The following PNPLA2 variants were observed in gnomAD, a reference collection of about 807,000 sequenced individuals.
PNPLA2 encodes patatin-like phospholipase domain-containing protein 2.
PNPLA2 carries 28 observed loss-of-function variants against 39.7 expected under a neutral mutation model. That is an observed-to-expected ratio of 0.70 (90% CI 0.52 to 0.97). The LOEUF is 0.97. Ranked by LOEUF, PNPLA2 falls within the 50% of genes least tolerant of loss-of-function variation. The probability of loss-of-function intolerance (pLI) is 0.00; values close to 1 mark genes in which losing one functional copy is unlikely to be tolerated. For missense variants in PNPLA2, 768 were observed against 698.2 expected (o/e 1.10, Z -1.13); for synonymous variants, 392 against 321.1 (o/e 1.22, Z -2.36).
At chr11:823,964 C>G (rs954166921) in intron 7 of PNPLA2, 34 bp from the exon 8 acceptor site, 16 of 1,571,622 alleles carry the variant, frequency 1.0e-5, no homozygotes, top group African/African-American at 1.3e-5. Flanking sequence ...GCCCCGCTGC[C>G]TCCACTGGCC....
At chr11:822,112 C>T in intron 4 of PNPLA2, 89 bp downstream of exon 4, 2 of 1,213,638 alleles carry the variant, frequency 1.6e-6, no homozygotes, top group Non-Finnish European at 2.4e-6. Flanking sequence ...ATCCTTCAGG[C>T]CCTTGCTCTG....
intron 2 of PNPLA2, 143 bp downstream of exon 2, chr11:820,048 CGAG>C: frequency 7.0e-6 from 4 of 571,528 alleles, no homozygotes; most frequent in Non-Finnish European, 1.1e-5. Flanking sequence ...GGGAACCCGG[CGAG>C]GATCCAATCC....
rs1229630822 is a variant in PNPLA2, at chr11:824,716, G to A, written c.1369G>A (p.Glu457Lys). Residue 457 changes from glutamate to lysine, a missense_variant, in exon 10 of 10, where the codon GAA (glutamate) becomes AAA (lysine). Transcript: ENST00000336615. ...CTGCACCAACGTGGCCTTCCCGCCC[G>A]AAGCTCTGCGCATGCGCGCACCCGC... is the stretch of plus-strand genomic sequence containing the variant. ...LFCTNVAFPPEALRMRAPADP... is the reference protein window; with the variant it reads ...LFCTNVAFPPKALRMRAPADP... The A allele has an allele frequency of 6.3e-7, 1 of 1,587,614 alleles. No individual in the cohort carries two copies. Among genetic ancestry groups the A allele is most frequent in the Non-Finnish European group, 8.5e-7 (1 of 1,174,510 alleles).
Position 824,746 on chromosome 11 carries a change from C to T in PNPLA2, c.1399C>T (p.Pro467Ser), listed in dbSNP as rs973786696. Residue 467 changes from proline to serine, a missense_variant, in exon 10 of 10, where the codon CCG becomes TCG. Pro to Ser is a moderately conservative substitution (Grantham distance 74, BLOSUM62 -1). Transcript: ENST00000336615. ...TCTGCGCATGCGCGCACCCGCCGAC[C>T]CGGCTCCCGCCCCCGCGGACCCAGC... is the stretch of plus-strand genomic sequence containing the variant. The part of the protein sequence containing the change: ...EALRMRAPAD[P>S]APAPADPASP... The T allele has an allele frequency of 2.9e-5, 45 of 1,572,590 alleles. No homozygotes were observed. The highest frequency in any genetic ancestry group is 3.7e-5 in the Non-Finnish European group (43 of 1,167,038).
At chr11:822,671 C>T (rs2133848238) in intron 5 of PNPLA2, 65 bp downstream of exon 5, 2 of 1,355,396 alleles carry the variant, frequency 1.5e-6, no homozygotes, top group South Asian at 2.3e-5. Flanking sequence ...AGGGAGAACA[C>T]TGATCCTTTG....
chr11:819,931 G>T (rs1845612350), intron 2 of PNPLA2, 26 bp downstream of exon 2: 3 of 1,325,540 alleles, frequency 2.3e-6, no homozygotes, highest in Non-Finnish European at 1.9e-6. Flanking sequence ...GGCGGCAGGC[G>T]GGGGGCTGGC....
intron 4 of PNPLA2, 41 bp downstream of exon 4, chr11:822,064 CGTGGGAT>C (rs768582135): frequency 6.3e-7 from 1 of 1,584,038 alleles, no homozygotes; most frequent in African/African-American, 1.3e-5. Context: ...TGGGGTGGGC[CGTGGGAT>C]GAGGGACAGA....
chr11:823,659 G>C (rs775520429), intron 6 of PNPLA2, 35 bp from the exon 7 acceptor site: 1 of 1,603,516 alleles, frequency 6.2e-7, no homozygotes, highest in East Asian at 2.3e-5. Context: ...CGGCCGCGCT[G>C]ATGAACTGAG....
rs1296581944 is a variant in PNPLA2, at chr11:825,088, C to G, written c.*226C>G. 1.7e-5 allele frequency: 10 copies of G among 584,186 alleles called. No individual in the cohort carries two copies. Among genetic ancestry groups the G allele is most frequent in the Non-Finnish European group, 3.0e-5 (10 of 329,182 alleles). The allele number at this position is 584,186 out of a possible 1,614,324, so 36.2% of individuals were successfully genotyped here. On this transcript the variant is annotated 3_prime_UTR_variant, in exon 10 of 10. Transcript: ENST00000336615. The stretch of plus-strand genomic sequence containing the variant: ...TCCCTCCCCTGTGCTGCCCGAGCAC[C>G]TCCCCCGCCCCTTTACTCCTGAGAA...
Position 824,664 on chromosome 11 carries a change from C to G in PNPLA2, c.1317C>G (p.Cys439Trp). The change falls in exon 10 of 10, where the codon TGC becomes TGG. Residue 439 changes from cysteine to tryptophan, a missense_variant. Transcript: ENST00000336615. ...ACGCGCTGGCCAAGTGGGAGGAGTG[C>G]CAGCGCCAGCTGCTGCTCGGCCTCT... ...LGDALAKWEE[C>W]QRQLLLGLFC... The G allele has an allele frequency of 6.3e-7, 1 of 1,596,714 alleles. No homozygotes were observed. The highest frequency in any genetic ancestry group is 8.5e-7 in the Non-Finnish European group (1 of 1,177,560).
intron 2 of PNPLA2, chr11:821,323 G>T: frequency 2.0e-6 from 1 of 493,492 alleles, no homozygotes; most frequent in Admixed American, 3.3e-5. Flanking sequence ...GGCTAAGGCC[G>T]GTCAGAGTTG....
In PNPLA2 at chr11:821,974, GT is replaced by G. The variant is rs2133847468; in HGVS notation, c.440del (p.Phe147SerfsTer109). 6.2e-7 allele frequency: 1 copy of G among 1,613,914 alleles called. No individual in the cohort carries two copies. Among genetic ancestry groups the G allele is most frequent in the South Asian group, 1.1e-5 (1 of 91,084 alleles). ...DELIQANVCSGFIPVYCGLIP... is the reference protein window; with the variant it reads ...DELIQANVCSXFIPVYCGLIP... ...GCCCTGAAGGCCAATGTCTGCAGCG[GT>G]TTCATCCCCGTGTACTGTGGGCTCA... On this transcript the variant is annotated frameshift_variant, in exon 4 of 10. Coordinates refer to ENST00000336615, the MANE Select transcript of PNPLA2 (RefSeq NM_020376.4). LOFTEE classifies it high-confidence loss of function.
Position 824,822 on chromosome 11 carries a change from C to G in PNPLA2, c.1475C>G (p.Ala492Gly), listed in dbSNP as rs764655536. ...AGPAPLLSTP[A>G]PEARPVIGAL... ...CCTGCCCCCTTGCTGAGCACCCCTG[C>G]TCCCGAGGCCCGGCCCGTGATCGGG... Residue 492 changes from alanine (A) to glycine (G), a missense_variant, in exon 10 of 10, where the codon GCT becomes GGT. Coordinates refer to ENST00000336615, the MANE Select transcript of PNPLA2 (RefSeq NM_020376.4). The G allele has an allele frequency of 6.5e-7, 1 of 1,534,960 alleles. No individual in the cohort carries two copies.
chr11:825,205 A>C lies in PNPLA2; in HGVS notation c.*343A>C. The C allele has an allele frequency of 8.8e-5, 35 of 397,306 alleles. No individual in the cohort carries two copies. Among genetic ancestry groups the C allele is most frequent in the Middle Eastern group, 7.6e-4 (1 of 1,322 alleles). 24.6% of individuals were successfully genotyped at this position (397,306 alleles called of 1,614,324 possible). ...ATTTTCGCCAAAGCACATGTAATAA[A>C]TGCTGCAGCCCAGCCTCTGCCCACT... On this transcript the variant is annotated 3_prime_UTR_variant, in exon 10 of 10. Transcript: ENST00000336615.
chr11:819,568 G>C lies in PNPLA2; in HGVS notation c.-145-6G>C, dbSNP rs1845599587. On this transcript the variant is annotated splice_polypyrimidine_tract_variant and splice_region_variant and intron_variant, in intron 1 of 9. Coordinates refer to ENST00000336615, the MANE Select transcript of PNPLA2 (RefSeq NM_020376.4). Reference sequence around the variant, plus strand: ...TAAAAGCGCCGCCTCCGCGCCGCCCGCGTAGCTTCTTCGCCTCCGCCAGCG... The same window carrying C: ...TAAAAGCGCCGCCTCCGCGCCGCCCCCGTAGCTTCTTCGCCTCCGCCAGCG... 3.9e-6 allele frequency: 5 copies of C among 1,290,662 alleles called. No individual in the cohort carries two copies. The highest frequency in any genetic ancestry group is 3.1e-5 in the African/African-American group (2 of 63,954). 80.0% of individuals were successfully genotyped at this position (1,290,662 alleles called of 1,614,324 possible).
In PNPLA2 at chr11:824,436, G is replaced by A. The variant is rs1317375507; in HGVS notation, c.1175G>A (p.Arg392Lys). The A allele has an allele frequency of 6.4e-7, 1 of 1,554,256 alleles. No individual in the cohort carries two copies. The highest frequency in any genetic ancestry group is 1.4e-5 in the African/African-American group (1 of 73,488). Residue 392 changes from arginine (R) to lysine (K), a missense_variant and splice_region_variant, in exon 9 of 10, where the codon AGG becomes AAG. Arg to Lys is a conservative substitution (Grantham distance 26). Coordinates refer to ENST00000336615, the MANE Select transcript of PNPLA2 (RefSeq NM_020376.4). Reference sequence around the variant, plus strand: ...AAGCTGGGCAGGCACCTGCCCTCCAGGTGAGCCGCCGACCGCGCGTCCACC... The same window carrying A: ...AAGCTGGGCAGGCACCTGCCCTCCAAGTGAGCCGCCGACCGCGCGTCCACC... ...KRKLGRHLPSRLPEQVELRRV... is the reference protein window; with the variant it reads ...KRKLGRHLPSKLPEQVELRRV...
At position 824,330 on chromosome 11, in the gene PNPLA2, C is replaced by T. The variant is rs747374532; in HGVS notation, c.1069C>T (p.Pro357Ser). The change falls in exon 9 of 10, where the codon CCC becomes TCC. Residue 357 changes from proline (P) to serine (S), a missense_variant. Transcript: ENST00000336615. Reference sequence around the variant, plus strand: ...TGTCCCCAGCTTGCTGGAGTGGCTGCCCGACGTTCCCGAGGACATCCGGTG... The same window carrying T: ...TGTCCCCAGCTTGCTGGAGTGGCTGTCCGACGTTCCCGAGGACATCCGGTG... ...SFTIRLLEWL[P>S]DVPEDIRWMK... The T allele has an allele frequency of 1.9e-6, 3 of 1,551,004 alleles. No individual in the cohort carries two copies. The highest frequency in any genetic ancestry group is 8.7e-7 in the Non-Finnish European group (1 of 1,147,512).
At position 822,549 on chromosome 11, in the gene PNPLA2, G is replaced by A; in HGVS notation, c.639G>A (p.Gln213=). The part of the protein sequence containing the change: ...HELRVTNTSI[Q]FNLRNLYRLS... ...TGCGGGTCACCAACACCAGCATCCA[G>A]TTCAACCTGCGCAACCTCTACCGCC... The change falls in exon 5 of 10, where the codon CAG becomes CAA. Residue 213 remains glutamine, a synonymous_variant. Transcript: ENST00000336615. The A allele has an allele frequency of 6.2e-7, 1 of 1,614,064 alleles. No individual in the cohort carries two copies. The highest frequency in any genetic ancestry group is 8.5e-7 in the Non-Finnish European group (1 of 1,180,030).
In PNPLA2 at chr11:824,529, G is replaced by C. The variant is rs374839788; in HGVS notation, c.1182G>C (p.Pro394=). 6.5e-7 allele frequency: 1 copy of C among 1,549,470 alleles called. No individual in the cohort carries two copies. The highest frequency in any genetic ancestry group is 1.9e-5 in the Admixed American group (1 of 51,708). The change falls in exon 10 of 10, where the codon CCG becomes CCC. Residue 394 remains proline (P), a synonymous_variant. Transcript: ENST00000336615. ...CCGCATCCCTGCCCCGCAGGCTGCC[G>C]GAGCAGGTGGAGCTGCGCCGCGTCC... The part of the protein sequence containing the change: ...KLGRHLPSRL[P]EQVELRRVQS...
Sources: allele counts gnomAD v4.1 joint callset, GRCh38; gene constraint gnomAD v4.1.1; transcripts MANE v1.5; gene names NCBI Gene and HGNC (gene_info 2026-07-23, HGNC 2026-07-21).